LRRFIP1: variants seen among roughly 807,000 people sequenced by gnomAD.
LRRFIP1 encodes the protein LRR binding FLII interacting protein 1.
A neutral mutation model predicts 104.4 loss-of-function variants in LRRFIP1; 62 were observed. That is an observed-to-expected ratio of 0.59 (90% CI 0.48 to 0.73). The LOEUF (loss-of-function observed/expected upper bound fraction) is 0.73, where lower values mean the gene tolerates loss of function less well. LRRFIP1 is among the 30% of genes least tolerant of loss of function. The pLI is 0.00. For synonymous variants in LRRFIP1, 300 were observed against 299.0 expected (o/e 1.00, Z -0.03); for missense variants, 796 against 824.5 (o/e 0.97, Z 0.42).
rs2058657135 is a variant in LRRFIP1 at position 237,751,763 on chromosome 2, AGACT to A, written c.867+497_867+500del. 5.3e-5 allele frequency among the ~76,000 whole-genome samples: 8 copies of A among 152,348 alleles called. 1 individual carries two copies. The South Asian group carries it at 1.7e-3, about 32-fold the overall frequency. On this transcript the variant is annotated intron_variant, in intron 14 of 23. Transcript: ENST00000308482. Reference sequence around the variant, plus strand: ...TGTAAAATGCTACTAATTGAAGTAAAGACTGACTATGGCATTGGCTTTCTTGGAG... The same window carrying A: ...TGTAAAATGCTACTAATTGAAGTAAAGACTATGGCATTGGCTTTCTTGGAG...
intron 1 of LRRFIP1, among the ~76,000 whole-genome samples, chr2:237,695,763 T>G (rs1438451983): frequency 6.6e-6 from 1 of 152,178 alleles, no homozygotes; most frequent in Non-Finnish European, 1.5e-5. Context: ...TTTTGTTTTT[T>G]TTTTTTAAAT....
At position 237,766,174 on chromosome 2, in the gene LRRFIP1, C is replaced by A. The variant is rs182715532; in HGVS notation, c.1460-3769C>A. 5.3e-5 allele frequency among the ~76,000 whole-genome samples: 8 copies of A among 152,302 alleles called. No homozygotes were observed. Among genetic ancestry groups the A allele is most frequent in the African/African-American group, 1.9e-4 (8 of 41,564 alleles). On this transcript the variant is annotated intron_variant, in intron 19 of 23. Coordinates refer to ENST00000308482, the MANE Select transcript of LRRFIP1 (RefSeq NM_001137550.2). The surrounding 1 kb of genome is among the most constrained non-coding windows in gnomAD (Gnocchi z 4.8). The stretch of plus-strand genomic sequence containing the variant: ...GTGATCTGTGGTTCTGATGTGCAGC[C>A]TCAGCTGAAAACGGTCTTCACCTGT...
intron 1 of LRRFIP1, among the ~76,000 whole-genome samples, chr2:237,633,046 C>T (rs2082617019): frequency 6.6e-6 from 1 of 152,176 alleles, no homozygotes; most frequent in African/African-American, 2.4e-5. Context: ...GGGCCCTGCC[C>T]CTTTGTTCCA....
chr2:237,661,393 A>G lies in LRRFIP1; in HGVS notation c.96+33653A>G, dbSNP rs2087918752. On this transcript the variant is annotated intron_variant, in intron 1 of 23. Transcript: ENST00000308482. The surrounding 1 kb of genome is among the most constrained non-coding windows in gnomAD (Gnocchi z 4.4). ...CAGTCCCTCTCCTCCTTAGAGCACA[A>G]GCCCTCTGATGCTCCCAGACAGTGG... 6.6e-6 allele frequency among the ~76,000 whole-genome samples: 1 copy of G among 152,168 alleles called. No individual in the cohort carries two copies. Among genetic ancestry groups the G allele is most frequent in the African/African-American group, 2.4e-5 (1 of 41,444 alleles).
chr2:237,756,240 G>C, intron 16 of LRRFIP1, 53 bp downstream of exon 16: 1 of 1,359,876 alleles, frequency 7.4e-7, no homozygotes, highest in Admixed American at 1.8e-5. Context: ...GGAGCATTTT[G>C]TCAGGCCATG....
intron 1 of LRRFIP1, among the ~76,000 whole-genome samples, chr2:237,707,767 T>G (rs2093886806): frequency 6.6e-6 from 1 of 152,224 alleles, no homozygotes; most frequent in Admixed American, 6.5e-5. Context: ...CTCAAGCATT[T>G]GAAACGTTCT....
intron 1 of LRRFIP1, among the ~76,000 whole-genome samples, chr2:237,634,952 C>T (rs528865080): frequency 2.0e-5 from 3 of 152,214 alleles, no homozygotes; most frequent in Non-Finnish European, 4.4e-5. Flanking sequence ...CCTCTAGATC[C>T]AGTCTGGTCT....
At chr2:237,727,690 C>G (rs976293883) in intron 7 of LRRFIP1, among the ~76,000 whole-genome samples, 186 bp from the exon 8 acceptor site, 1 of 152,164 alleles carries the variant, frequency 6.6e-6, no homozygotes, top group African/African-American at 2.4e-5. Context: ...TCCTGAGCTG[C>G]GGGGGAGCAG....
rs997018034 is a variant in LRRFIP1, at chr2:237,661,612, G to C, written c.96+33872G>C. 6.6e-6 allele frequency among the ~76,000 whole-genome samples: 1 copy of C among 152,144 alleles called. No individual in the cohort carries two copies. Among genetic ancestry groups the C allele is most frequent in the Admixed American group, 6.5e-5 (1 of 15,268 alleles). On this transcript the variant is annotated intron_variant, in intron 1 of 23. Transcript: ENST00000308482. The surrounding 1 kb of genome is among the most constrained non-coding windows in gnomAD (Gnocchi z 4.4). The stretch of plus-strand genomic sequence containing the variant: ...CCATGAAACCATCCTTGTCCTCACT[G>C]TCGATGGAATTTTTCAGTGATACCT...
At chr2:237,727,231 C>T (rs1464081646) in intron 7 of LRRFIP1, among the ~76,000 whole-genome samples, 1 of 152,038 alleles carries the variant, frequency 6.6e-6, no homozygotes, top group Non-Finnish European at 1.5e-5. Context: ...TGACGCACGC[C>T]TGTAATCCCA....
chr2:237,780,694 G>A lies in LRRFIP1; in HGVS notation c.*1162G>A, dbSNP rs562859108. Reference sequence around the variant, plus strand: ...ACCATATCTAGTCTTAACACATGGAGAATGCTGGAGTGAGGGTTGTGAGTT... The same window carrying A: ...ACCATATCTAGTCTTAACACATGGAAAATGCTGGAGTGAGGGTTGTGAGTT... On this transcript the variant is annotated 3_prime_UTR_variant, in exon 24 of 24. Transcript: ENST00000308482. Among the ~76,000 whole-genome samples, 14 of 152,300 alleles carry A rather than the reference G, an allele frequency of 9.2e-5. No individual in the cohort carries two copies. In the East Asian group the frequency reaches 2.3e-3, roughly 25 times the overall value.
Position 237,781,523 on chromosome 2 carries a change from C to T in LRRFIP1, c.*1991C>T, listed in dbSNP as rs2061425320. On this transcript the variant is annotated 3_prime_UTR_variant, in exon 24 of 24. Transcript: ENST00000308482. ...AGGAAGTCAAGCCTTCAGTCTCTAC[C>T]TCTCCCACCAATTCTTTTGGAAACA... 6.6e-6 allele frequency among the ~76,000 whole-genome samples: 1 copy of T among 152,204 alleles called. No individual in the cohort carries two copies. The highest frequency in any genetic ancestry group is 2.1e-4 in the South Asian group (1 of 4,822).
chr2:237,647,708 C>T (rs1285619987), intron 1 of LRRFIP1, among the ~76,000 whole-genome samples: 14 of 112,808 alleles, frequency 1.2e-4, no homozygotes, highest in Admixed American at 8.1e-4. Flanking sequence ...ACCCCGTGGC[C>T]GGCCACTCAC....
chr2:237,698,725 ATCT>A (rs1385074255), intron 1 of LRRFIP1, among the ~76,000 whole-genome samples: 1 of 152,180 alleles, frequency 6.6e-6, no homozygotes, highest in Admixed American at 6.5e-5. Flanking sequence ...TGCCATCCAA[ATCT>A]TCATGATGGC....
chr2:237,651,037 G>A (rs188976289), intron 1 of LRRFIP1, among the ~76,000 whole-genome samples: 5 of 152,114 alleles, frequency 3.3e-5, no homozygotes, highest in African/African-American at 9.7e-5. Flanking sequence ...CAGCCCCTAA[G>A]GTATAGACTA....
At chr2:237,688,292 G>A (rs2092521560) in intron 1 of LRRFIP1, among the ~76,000 whole-genome samples, 1 of 152,158 alleles carries the variant, frequency 6.6e-6, no homozygotes, top group African/African-American at 2.4e-5. Context: ...CAGTTTGGAA[G>A]GGGCCATAAA....
chr2:237,685,042 G>A (rs1001371786), intron 1 of LRRFIP1, among the ~76,000 whole-genome samples: 1 of 152,010 alleles, frequency 6.6e-6, no homozygotes, highest in Non-Finnish European at 1.5e-5. Context: ...TGTATGTAGT[G>A]AGCCAAGATT....
chr2:237,734,354 C>T (rs2095160047), intron 9 of LRRFIP1, among the ~76,000 whole-genome samples: 1 of 144,838 alleles, frequency 6.9e-6, no homozygotes, highest in Non-Finnish European at 1.5e-5. Context: ...GATCTCGGCT[C>T]AGTGCAACCT....
At chr2:237,710,866 G>A (rs1011435419) in intron 2 of LRRFIP1, among the ~76,000 whole-genome samples, 1 of 151,982 alleles carries the variant, frequency 6.6e-6, no homozygotes, top group Non-Finnish European at 1.5e-5. Flanking sequence ...GGACTCCCAC[G>A]TCTCTGTTGT....
Sources: allele counts gnomAD v4.1 joint callset (sites outside exome capture counted in the v4.1 genomes callset), GRCh38; gene constraint gnomAD v4.1.1; non-coding constraint Gnocchi (gnomAD v3.1); transcripts MANE v1.5; gene names NCBI Gene and HGNC (gene_info 2026-07-23, HGNC 2026-07-21).